The following GRK5 variants were observed in gnomAD, a reference collection of about 807,000 sequenced individuals.
GRK5 encodes G protein-coupled receptor kinase 5.
Under a neutral mutation model 78.4 loss-of-function variants are expected in GRK5, and 40 were observed. That is an observed-to-expected ratio of 0.51 (90% CI 0.40 to 0.66). GRK5 has a LOEUF of 0.66. Among genes scored for constraint, GRK5 ranks in the 30% least tolerant of loss-of-function variants. The probability of loss-of-function intolerance (pLI) is 0.00; values close to 1 mark genes in which losing one functional copy is unlikely to be tolerated. For missense variants in GRK5, 598 were observed against 759.9 expected, an observed-to-expected ratio of 0.79 and a Z score of 2.50; for synonymous variants, 289 against 296.8, an observed-to-expected ratio of 0.97 and a Z score of 0.27.
At chr10:119,289,416 T>G (rs924245865) in intron 1 of GRK5, among the ~76,000 whole-genome samples, 1 of 152,252 alleles carries the variant, frequency 6.6e-6, no homozygotes, top group Non-Finnish European at 1.5e-5. Context: ...TCTTTGCTTT[T>G]GGGAACCGGT....
Position 119,430,806 on chromosome 10 carries a change from T to A in GRK5, c.597+368T>A, listed in dbSNP as rs903134515. Among the ~76,000 whole-genome samples the A allele has an allele frequency of 2.4e-4, 37 of 152,094 alleles. No individual in the cohort carries two copies. The highest frequency in any genetic ancestry group is 6.8e-4 in the African/African-American group (28 of 41,414). ...GCCTGGATGACGCTGTCATGCAAGA[T>A]TCGAGATTTCGTTGTACATTACCCG... On this transcript the variant is annotated intron_variant, in intron 7 of 15. Transcript: ENST00000392870. The surrounding 1 kb of genome is among the most constrained non-coding windows in gnomAD (Gnocchi z 4.5).
chr10:119,448,133 A>C lies in GRK5; in HGVS notation c.1277A>C (p.Lys426Thr). 6.4e-7 allele frequency: 1 copy of C among 1,553,790 alleles called. No homozygotes were observed. Among genetic ancestry groups the C allele is most frequent in the Non-Finnish European group, 8.6e-7 (1 of 1,156,676 alleles). Residue 426 changes from lysine (K) to threonine (T), a missense_variant, in exon 13 of 16, where the codon AAA (lysine) becomes ACA (threonine). Physicochemically the swap from Lys to Thr is moderately conservative, Grantham distance 78. Transcript: ENST00000392870. The stretch of plus-strand genomic sequence containing the variant: ...GGCTCTCTGTTTCAGCTGCTCACGA[A>C]AGATGCGAAGCAGAGGCTGGGCTGC... ...AKSICKMLLT[K>T]DAKQRLGCQE...
intron 1 of GRK5, among the ~76,000 whole-genome samples, chr10:119,228,991 A>G (rs563078927): frequency 6.6e-6 from 1 of 152,192 alleles, no homozygotes; most frequent in South Asian, 2.1e-4. Context: ...GACTGCTTTG[A>G]TGGACTGTAA....
chr10:119,343,134 G>A (rs921648096), intron 2 of GRK5, among the ~76,000 whole-genome samples: 2 of 152,208 alleles, frequency 1.3e-5, no homozygotes, highest in African/African-American at 4.8e-5. Context: ...GTGACACTGG[G>A]TGACAGCCCT....
intron 4 of GRK5, among the ~76,000 whole-genome samples, chr10:119,404,937 C>T (rs1328318151): frequency 6.6e-6 from 1 of 152,244 alleles, no homozygotes; most frequent in Non-Finnish European, 1.5e-5. Context: ...GAGGCTGGTC[C>T]AGAATGGGGA....
In GRK5 at chr10:119,436,859, A is replaced by G. The variant is rs1048069732; in HGVS notation, c.929+18A>G. 1.3e-6 allele frequency: 2 copies of G among 1,572,112 alleles called. No individual in the cohort carries two copies. The highest frequency in any genetic ancestry group is 1.7e-6 in the Non-Finnish European group (2 of 1,155,328). On this transcript the variant is annotated intron_variant, in intron 9 of 15. Coordinates refer to ENST00000392870, the MANE Select transcript of GRK5 (RefSeq NM_005308.3). ...GTCTACCGGTGAGTGGAAGGCACCA[A>G]GGACTTCCAAGTCTAAGTCCGAGGG...
chr10:119,248,651 C>T (rs1037063869), intron 1 of GRK5, among the ~76,000 whole-genome samples: 3 of 152,034 alleles, frequency 2.0e-5, no homozygotes, highest in East Asian at 1.9e-4. Flanking sequence ...AAATCCACCC[C>T]GCTGTGTTTC....
At chr10:119,377,316 C>G (rs188206061) in intron 2 of GRK5, among the ~76,000 whole-genome samples, 7 of 152,360 alleles carry the variant, frequency 4.6e-5, no homozygotes, top group African/African-American at 1.4e-4. Flanking sequence ...CGGGTTTGCT[C>G]TTGATACATC....
intron 1 of GRK5, among the ~76,000 whole-genome samples, chr10:119,315,063 T>C (rs574849232): frequency 6.6e-6 from 1 of 152,290 alleles, no homozygotes; most frequent in African/African-American, 2.4e-5. Context: ...TCAAGAAAAC[T>C]CTTGACAGAA....
intron 1 of GRK5, among the ~76,000 whole-genome samples, chr10:119,260,409 G>T (rs1849362302): frequency 7.1e-6 from 1 of 141,110 alleles, no homozygotes; most frequent in Non-Finnish European, 1.5e-5. Context: ...AGATGACATG[G>T]TCTTTTTTTT....
chr10:119,277,084 G>C (rs1849683093), intron 1 of GRK5, among the ~76,000 whole-genome samples: 1 of 152,190 alleles, frequency 6.6e-6, no homozygotes, highest in African/African-American at 2.4e-5. Flanking sequence ...AGCCTAATTT[G>C]GTGAACAAAT....
chr10:119,420,264 T>C (rs953861973), intron 4 of GRK5, among the ~76,000 whole-genome samples: 1 of 151,954 alleles, frequency 6.6e-6, no homozygotes, highest in African/African-American at 2.4e-5. Flanking sequence ...TTGTTACCAA[T>C]TAAGTTATTT....
chr10:119,319,277 A>G (rs934638159), intron 1 of GRK5, among the ~76,000 whole-genome samples: 9 of 152,190 alleles, frequency 5.9e-5, no homozygotes, highest in African/African-American at 2.2e-4. Context: ...TGCCCTCCCT[A>G]GAGTCTGTCC....
chr10:119,345,986 A>T (rs1851083577), intron 2 of GRK5, among the ~76,000 whole-genome samples: 1 of 151,262 alleles, frequency 6.6e-6, no homozygotes, highest in African/African-American at 2.4e-5. Context: ...CCAAATAACC[A>T]CCCACCCCCT....
rs1721169406 is a variant in GRK5, at chr10:119,445,991, C to A, written c.1267-2132C>A. Among the ~76,000 whole-genome samples, 1 of 152,182 alleles carries A rather than the reference C, an allele frequency of 6.6e-6. No homozygotes were observed. Among genetic ancestry groups the A allele is most frequent in the African/African-American group, 2.4e-5 (1 of 41,434 alleles). ...CTGAGCCCAGTCCATGGGCCCAGAC[C>A]TCAGCCTCCATCTTCCCCAAACCCC... On this transcript the variant is annotated intron_variant, in intron 12 of 15. Coordinates refer to ENST00000392870, the MANE Select transcript of GRK5 (RefSeq NM_005308.3). The surrounding 1 kb of genome is among the most constrained non-coding windows in gnomAD (Gnocchi z 4.1).
intron 6 of GRK5, among the ~76,000 whole-genome samples, chr10:119,428,244 C>T (rs1197882987): frequency 1.3e-5 from 2 of 152,256 alleles, no homozygotes; most frequent in Non-Finnish European, 1.5e-5. Flanking sequence ...CCCACCGCTA[C>T]CAGCTAGGGC....
intron 2 of GRK5, among the ~76,000 whole-genome samples, chr10:119,326,994 C>G (rs1309634750): frequency 6.6e-6 from 1 of 152,182 alleles, no homozygotes; most frequent in African/African-American, 2.4e-5. Flanking sequence ...CCAGGCCCAA[C>G]ACAGAGCCAC....
intron 1 of GRK5, among the ~76,000 whole-genome samples, chr10:119,215,227 T>C (rs1029910524): frequency 6.6e-6 from 1 of 152,242 alleles, no homozygotes; most frequent in African/African-American, 2.4e-5. Flanking sequence ...ACATGTCTAG[T>C]GCTCAGTAGC....
chr10:119,449,454 G>A (rs1853229556), intron 13 of GRK5, among the ~76,000 whole-genome samples: 1 of 152,330 alleles, frequency 6.6e-6, no homozygotes, highest in East Asian at 1.9e-4. Context: ...GATGGCATCA[G>A]TGTGATGGGT....
Sources: allele counts gnomAD v4.1 joint callset (sites outside exome capture counted in the v4.1 genomes callset), GRCh38; gene constraint gnomAD v4.1.1; non-coding constraint Gnocchi (gnomAD v3.1); transcripts MANE v1.5; gene names NCBI Gene and HGNC (gene_info 2026-07-23, HGNC 2026-07-21).